ZNF469: variants seen among roughly 807,000 people sequenced by gnomAD.
ZNF469 encodes zinc finger protein 469.
ZNF469 carries 1 observed loss-of-function variant against 1.0 expected under a neutral mutation model. The observed-to-expected ratio is 1.00, with a 90% confidence interval of 0.35 to 4.73. The LOEUF (loss-of-function observed/expected upper bound fraction) is 4.73. ZNF469 is among the 30% of genes most tolerant of loss of function. The probability of loss-of-function intolerance (pLI) is 0.16; values close to 1 mark genes in which losing one functional copy is unlikely to be tolerated. For synonymous variants in ZNF469, 2,703 were observed against 2,363.4 expected, an observed-to-expected ratio of 1.14 and a Z score of -4.17; for missense variants, 6,100 against 5,356.3, an observed-to-expected ratio of 1.14 and a Z score of -4.33.
At chr16:88,110,825 G>A in the ZNF469 span, among the ~76,000 whole-genome samples, 1 of 152,246 alleles carries the variant, frequency 6.6e-6, no homozygotes, top group Non-Finnish European at 1.5e-5. Flanking sequence ...AGGGGCCCAG[G>A]GCAGCAGGTG....
chr16:88,400,924 C>A (rs1904836242), intron 1 of ZNF469, among the ~76,000 whole-genome samples: 2 of 151,930 alleles, frequency 1.3e-5, no homozygotes. Context: ...TGGAGGGGCC[C>A]AGAAACAACC....
the ZNF469 span, among the ~76,000 whole-genome samples, chr16:88,139,104 G>C: frequency 6.6e-6 from 1 of 152,254 alleles, no homozygotes; most frequent in East Asian, 1.9e-4. Context: ...TAGAAATGAA[G>C]AGTGAAATGA....
At chr16:88,387,376 C>T (rs548906870) in intron 1 of ZNF469, among the ~76,000 whole-genome samples, 27 of 152,158 alleles carry the variant, frequency 1.8e-4, no homozygotes, top group Non-Finnish European at 3.2e-4. Context: ...GTGGGAGCGG[C>T]GGGCAGGACC....
At chr16:88,338,067 A>C in the ZNF469 span, among the ~76,000 whole-genome samples, 1 of 152,096 alleles carries the variant, frequency 6.6e-6, no homozygotes, top group Non-Finnish European at 1.5e-5. Flanking sequence ...TCACTTGGCC[A>C]GCGGTTCCTA....
intron 1 of ZNF469, among the ~76,000 whole-genome samples, chr16:88,402,726 G>A (rs578003464): frequency 5.3e-5 from 8 of 152,278 alleles, no homozygotes; most frequent in African/African-American, 7.2e-5. Context: ...AATGGGGCCC[G>A]GCCCCCGCCT....
At chr16:88,128,906 C>A in the ZNF469 span, among the ~76,000 whole-genome samples, 1 of 152,222 alleles carries the variant, frequency 6.6e-6, no homozygotes, top group African/African-American at 2.4e-5. Context: ...TCTGCCGCTG[C>A]TGAGAAAGCT....
chr16:88,293,628 ATTTC>A, the ZNF469 span, among the ~76,000 whole-genome samples: 1 of 152,164 alleles, frequency 6.6e-6, no homozygotes, highest in Admixed American at 6.5e-5. Context: ...TGTACTGGCC[ATTTC>A]TTCTTTCTAG....
chr16:88,321,477 G>C, the ZNF469 span, among the ~76,000 whole-genome samples: 1 of 151,896 alleles, frequency 6.6e-6, no homozygotes, highest in Non-Finnish European at 1.5e-5. Flanking sequence ...CACCTGATTG[G>C]ATATGGCTCT....
rs897338798 is a variant in ZNF469 at position 88,436,349 on chromosome 16, T to A, written c.8879T>A (p.Leu2960Gln). Reference sequence around the variant, plus strand: ...GACCCCTGGGCCCCCGGCCTCAGCCTGTGGGCCCTGGAGCCCAGCAGGGAA... The same window carrying A: ...GACCCCTGGGCCCCCGGCCTCAGCCAGTGGGCCCTGGAGCCCAGCAGGGAA... ...GIDPWAPGLS[L>Q]WALEPSREAG... Residue 2960 changes from leucine (L) to glutamine (Q), a missense_variant, in exon 3 of 3, where the codon CTG becomes CAG. Physicochemically the swap from Leu to Gln is moderately radical, Grantham distance 113. Transcript: ENST00000565624. 15 of 1,549,944 alleles carry A rather than the reference T, an allele frequency of 9.7e-6. No homozygotes were observed. Among genetic ancestry groups the A allele is most frequent in the Non-Finnish European group, 1.3e-5 (15 of 1,146,690 alleles).
chr16:88,310,479 A>T, the ZNF469 span, among the ~76,000 whole-genome samples: 1 of 152,104 alleles, frequency 6.6e-6, no homozygotes, highest in African/African-American at 2.4e-5. Context: ...TTGCACACAA[A>T]AGTGATAGCT....
intron 1 of ZNF469, among the ~76,000 whole-genome samples, chr16:88,409,186 A>ATG (rs1415411513): frequency 6.6e-6 from 1 of 152,224 alleles, no homozygotes; most frequent in East Asian, 1.9e-4. Context: ...GTCTGGGCTC[A>ATG]GGTCAGCATT....
Position 88,432,751 on chromosome 16 carries a change from A to G in ZNF469, c.5281A>G (p.Ser1761Gly), listed in dbSNP as rs757365430. 4 of 1,550,406 alleles carry G rather than the reference A, an allele frequency of 2.6e-6. No homozygotes were observed. Among genetic ancestry groups the G allele is most frequent in the Non-Finnish European group, 3.5e-6 (4 of 1,146,984 alleles). The part of the protein sequence containing the change: ...KNKEAASSQE[S>G]EDSLRLLPCE... ...TAAGGAGGCCGCCAGCTCACAAGAA[A>G]GTGAAGACTCCCTGCGGCTGCTTCC... Residue 1761 changes from serine to glycine, a missense_variant, in exon 3 of 3, where the codon AGT becomes GGT. By Grantham distance (56) the Ser-to-Gly change is moderately conservative. Transcript: ENST00000565624.
At chr16:88,171,242 C>A in the ZNF469 span, among the ~76,000 whole-genome samples, 1 of 152,212 alleles carries the variant, frequency 6.6e-6, no homozygotes, top group African/African-American at 2.4e-5. Flanking sequence ...GGGCCTTGGC[C>A]TGTTCTAGCC....
In ZNF469 at chr16:88,429,033, G is replaced by C; in HGVS notation, c.1563G>C (p.Leu521=). The change falls in exon 3 of 3, where the codon CTG becomes CTC. Residue 521 remains leucine (L), a synonymous_variant. Coordinates refer to ENST00000565624, the MANE Select transcript of ZNF469 (RefSeq NM_001367624.2). ...PEWQGGSQGA[L]GTAGKTPGPR... is the part of the protein sequence containing the mutation. ...GGCAGGGGGGCAGCCAAGGAGCCCT[G>C]GGCACTGCTGGCAAGACACCGGGAC... is the stretch of plus-strand genomic sequence containing the variant. 1 of 1,549,586 alleles carries C rather than the reference G, an allele frequency of 6.5e-7. No homozygotes were observed. Among genetic ancestry groups the C allele is most frequent in the Non-Finnish European group, 8.7e-7 (1 of 1,146,810 alleles).
chr16:88,253,458 C>T, the ZNF469 span, among the ~76,000 whole-genome samples: 42 of 150,976 alleles, frequency 2.8e-4, no homozygotes, highest in African/African-American at 9.5e-4. Context: ...TGATGTGGAC[C>T]CCCTTTTACT....
At chr16:88,381,035 C>CACAG (rs2092522129), upstream of ZNF469, among the ~76,000 whole-genome samples, 3 of 149,166 alleles carry the variant, frequency 2.0e-5, no homozygotes, top group Non-Finnish European at 4.4e-5. Flanking sequence ...TGCACTCACA[C>CACAG]ACATGCACTC....
chr16:88,246,500 G>C, the ZNF469 span, among the ~76,000 whole-genome samples: 113 of 152,288 alleles, frequency 7.4e-4, no homozygotes, highest in African/African-American at 2.6e-3. Flanking sequence ...CGGGTAGGAG[G>C]AGGCTGTCTT....
chr16:88,381,758 T>C (rs546799838), upstream of ZNF469, among the ~76,000 whole-genome samples: 1 of 152,384 alleles, frequency 6.6e-6, no homozygotes, highest in East Asian at 1.9e-4. Flanking sequence ...AGGAATGCCA[T>C]GTGCTGCGAT....
chr16:88,417,497 T>C (rs1222359012), intron 1 of ZNF469, among the ~76,000 whole-genome samples: 1 of 152,174 alleles, frequency 6.6e-6, no homozygotes, highest in Non-Finnish European at 1.5e-5. Context: ...GTATTCACCT[T>C]GGCTCTGCTA....
Sources: allele counts gnomAD v4.1 joint callset (sites outside exome capture counted in the v4.1 genomes callset), GRCh38; gene constraint gnomAD v4.1.1; transcripts MANE v1.5; gene names NCBI Gene and HGNC (gene_info 2026-07-23, HGNC 2026-07-21).